The following TRAF3 variants were observed in gnomAD, a reference collection of about 807,000 sequenced individuals.
The protein encoded by TRAF3 is TNF receptor associated factor 3.
In TRAF3, 13 loss-of-function variants were observed where a neutral mutation model predicts 62.3. The observed-to-expected ratio is 0.21, with a 90% confidence interval of 0.14 to 0.33. The LOEUF is 0.33. Ranked by LOEUF, TRAF3 falls within the 10% of genes least tolerant of loss-of-function variation. TRAF3 has a pLI of 1.00. For missense variants in TRAF3, 440 were observed against 741.8 expected, an observed-to-expected ratio of 0.59 and a Z score of 4.73; for synonymous variants, 269 against 283.4, an observed-to-expected ratio of 0.95 and a Z score of 0.51.
chr14:102,781,302 G>A (rs1470453650), intron 1 of TRAF3, among the ~76,000 whole-genome samples: 1 of 152,234 alleles, frequency 6.6e-6, no homozygotes, highest in Non-Finnish European at 1.5e-5. Flanking sequence ...AGTTGCATGT[G>A]CTGGCCTTTG....
intron 1 of TRAF3, among the ~76,000 whole-genome samples, chr14:102,793,856 A>G (rs1897931019): frequency 6.6e-6 from 1 of 152,214 alleles, no homozygotes; most frequent in African/African-American, 2.4e-5. Flanking sequence ...ACAGTAATCT[A>G]CTACTACATC....
intron 9 of TRAF3, chr14:102,895,084 T>TA (rs1251146382): frequency 2.2e-6 from 1 of 455,978 alleles, no homozygotes; most frequent in Non-Finnish European, 4.4e-6. Flanking sequence ...GATATGAGAA[T>TA]AAAGAGTCTG....
intron 1 of TRAF3, among the ~76,000 whole-genome samples, chr14:102,789,013 G>A (rs527434837): frequency 6.6e-6 from 1 of 152,014 alleles, no homozygotes; most frequent in South Asian, 2.1e-4. Flanking sequence ...TACCCATTAA[G>A]TAATCACTCC....
chr14:102,901,846 G>A (rs1243989357), intron 10 of TRAF3, among the ~76,000 whole-genome samples: 1 of 152,260 alleles, frequency 6.6e-6, no homozygotes, highest in Non-Finnish European at 1.5e-5. Flanking sequence ...AAAAGGAGAA[G>A]TGAATTCAGG....
In TRAF3 at chr14:102,846,002, AAAAAAAAT is replaced by A. The variant is rs1443479012; in HGVS notation, c.-18+15532_-18+15539del. Among the ~76,000 whole-genome samples the A allele has an allele frequency of 2.8e-4, 42 of 148,586 alleles. 1 individual carries two copies. Among genetic ancestry groups the A allele is most frequent in the African/African-American group, 1.0e-3 (40 of 39,248 alleles). ...TCTCAAAAAAAAAAAAAAAAAAAAA[AAAAAAAAT>A]ACTATTATACCGCTGTTCAGTTAGC... On this transcript the variant is annotated intron_variant, in intron 2 of 11. Transcript: ENST00000392745.
At chr14:102,798,402 G>A (rs966305607) in intron 1 of TRAF3, among the ~76,000 whole-genome samples, 2 of 152,174 alleles carry the variant, frequency 1.3e-5, no homozygotes, top group Non-Finnish European at 2.9e-5. Flanking sequence ...CACTTTGGGA[G>A]GCAAAGGTGA....
In TRAF3 at chr14:102,889,527, T is replaced by G. The variant is rs765507348; in HGVS notation, c.652-33T>G. On this transcript the variant is annotated intron_variant, in intron 7 of 11. Coordinates refer to ENST00000392745, the MANE Select transcript of TRAF3 (RefSeq NM_145725.3). ...GTTTGAACATTTTCATGCAAACGTT[T>G]GTGCCACAACTCACGTCTCTTTCCC... 2.5e-6 allele frequency: 4 copies of G among 1,610,822 alleles called. No homozygotes were observed. The South Asian group carries it at 4.4e-5, about 18-fold the overall frequency.
chr14:102,863,852 C>G (rs758662051), intron 2 of TRAF3, among the ~76,000 whole-genome samples: 1 of 152,152 alleles, frequency 6.6e-6, no homozygotes, highest in African/African-American at 2.4e-5. Flanking sequence ...GCCCTTTGAG[C>G]CAGTCTTCCA....
Position 102,903,256 on chromosome 14 carries a change from G to A in TRAF3, c.962G>A (p.Arg321Gln), listed in dbSNP as rs148461790. Residue 321 changes from arginine to glutamine, a missense_variant and splice_region_variant, in exon 11 of 12, where the codon CGA becomes CAA. Coordinates refer to ENST00000392745, the MANE Select transcript of TRAF3 (RefSeq NM_145725.3). The surrounding 1 kb of genome is among the most constrained non-coding windows in gnomAD (Gnocchi z 6.4). ...NNESKILHLQ[R>Q]VIDSQAEKLK... ...TTTTTAACACCTTTGGTTTGGAAGC[G>A]AGTGATAGACAGCCAAGCAGAGAAA... is the stretch of plus-strand genomic sequence containing the variant. The A allele has an allele frequency of 7.0e-4, 1,123 of 1,614,180 alleles. No homozygotes were observed. The highest frequency in any genetic ancestry group is 8.5e-4 in the Non-Finnish European group (1,006 of 1,180,044).
At chr14:102,816,172 A>G (rs1301670123) in intron 1 of TRAF3, among the ~76,000 whole-genome samples, 1 of 151,704 alleles carries the variant, frequency 6.6e-6, no homozygotes, top group Non-Finnish European at 1.5e-5. Context: ...ATGCCATCTC[A>G]GTTCTCTTCA....
chr14:102,824,030 A>T (rs1225043570), intron 1 of TRAF3, among the ~76,000 whole-genome samples: 1 of 152,108 alleles, frequency 6.6e-6, no homozygotes, highest in Non-Finnish European at 1.5e-5. Flanking sequence ...GGTTGTTTCT[A>T]CTTTTTGGCT....
chr14:102,813,730 C>A (rs4906266), intron 1 of TRAF3, among the ~76,000 whole-genome samples: 77,628 of 151,832 alleles, frequency 0.51, 22,626 homozygotes, highest in South Asian at 0.73. Context: ...GGATTACAGG[C>A]GTGAGCCACC....
intron 1 of TRAF3, among the ~76,000 whole-genome samples, chr14:102,808,572 C>A (rs1444302285): frequency 6.6e-6 from 1 of 151,482 alleles, no homozygotes; most frequent in Admixed American, 6.6e-5. Context: ...GCTTCCAAGG[C>A]AGCCTCCAAG....
intron 6 of TRAF3, among the ~76,000 whole-genome samples, chr14:102,876,831 A>G (rs554479215): frequency 4.0e-5 from 6 of 150,158 alleles, no homozygotes; most frequent in Non-Finnish European, 7.4e-5. Flanking sequence ...AATCCATTCC[A>G]CAGGCCTTCC....
chr14:102,883,918 C>T (rs1024228444), intron 6 of TRAF3, among the ~76,000 whole-genome samples: 3 of 152,114 alleles, frequency 2.0e-5, no homozygotes, highest in Non-Finnish European at 4.4e-5. Flanking sequence ...TTTGTGTGAT[C>T]AGAATTACAT....
chr14:102,803,836 T>TG (rs1183878951), intron 1 of TRAF3, among the ~76,000 whole-genome samples: 1 of 152,210 alleles, frequency 6.6e-6, no homozygotes, highest in African/African-American at 2.4e-5. Flanking sequence ...TGATGACTGC[T>TG]GCATGTACCA....
intron 3 of TRAF3, 59 bp from the exon 4 acceptor site, chr14:102,871,858 C>T (rs1888359817): frequency 6.6e-7 from 1 of 1,526,576 alleles, no homozygotes; most frequent in Admixed American, 1.7e-5. Flanking sequence ...CCAGAATCTC[C>T]TGAGTCCTCT....
intron 8 of TRAF3, 97 bp downstream of exon 8, chr14:102,889,731 ATTC>A (rs1367248481): frequency 7.7e-6 from 11 of 1,426,966 alleles, no homozygotes; most frequent in Middle Eastern, 1.8e-4. Flanking sequence ...TGGACTCCTT[ATTC>A]TTTGTCATGA....
At chr14:102,819,878 A>G (rs1013020192) in intron 1 of TRAF3, among the ~76,000 whole-genome samples, 1 of 152,248 alleles carries the variant, frequency 6.6e-6, no homozygotes, top group African/African-American at 2.4e-5. Context: ...CCGCCAAGTG[A>G]GTTATGAACA....
Sources: gnomAD v4.1 joint callset for allele counts (sites outside exome capture counted in the v4.1 genomes callset) on GRCh38, gnomAD v4.1.1 for gene constraint, Gnocchi (gnomAD v3.1) non-coding constraint, MANE v1.5 for transcripts, NCBI Gene and HGNC (gene_info 2026-07-23, HGNC 2026-07-21) for gene names.